WNT2B: variants seen among roughly 807,000 people sequenced by gnomAD.
WNT2B encodes Wnt family member 2B, also known as protein Wnt-2b.
A neutral mutation model predicts 40.5 loss-of-function variants in WNT2B; 19 were observed. The ratio of observed to expected loss-of-function variants is 0.47; its 90% confidence interval spans 0.33 to 0.69. WNT2B has a LOEUF of 0.69. Among genes scored for constraint, WNT2B ranks in the 30% least tolerant of loss-of-function variants. The pLI is 0.02. For missense variants in WNT2B, 467 were observed against 556.4 expected, an observed-to-expected ratio of 0.84 and a Z score of 1.62; for synonymous variants, 220 against 211.9, an observed-to-expected ratio of 1.04 and a Z score of -0.33.
intron 1 of WNT2B, among the ~76,000 whole-genome samples, chr1:112,470,215 C>A (rs1266904881): frequency 6.6e-6 from 1 of 152,108 alleles, no homozygotes; most frequent in Non-Finnish European, 1.5e-5. Flanking sequence ...GTCTTTATTT[C>A]TCCTTCATGT....
chr1:112,474,272 A>G (rs930190455), intron 1 of WNT2B, among the ~76,000 whole-genome samples: 7 of 151,430 alleles, frequency 4.6e-5, no homozygotes, highest in Non-Finnish European at 1.0e-4. Flanking sequence ...CAGCCTCCCA[A>G]GTAGCTGGGA....
chr1:112,501,826 A>G (rs528253376), intron 1 of WNT2B, among the ~76,000 whole-genome samples: 51 of 152,290 alleles, frequency 3.3e-4, no homozygotes, highest in African/African-American at 1.2e-3. Context: ...GTCTGCAGGT[A>G]GGAGTTGTGG....
intron 1 of WNT2B, among the ~76,000 whole-genome samples, chr1:112,490,650 C>A (rs1414346115): frequency 1.3e-5 from 2 of 151,940 alleles, no homozygotes; most frequent in African/African-American, 4.8e-5. Flanking sequence ...TCACCACACC[C>A]GGCTAATTTT....
chr1:112,478,368 C>T (rs1172994575), intron 1 of WNT2B, among the ~76,000 whole-genome samples: 2 of 151,958 alleles, frequency 1.3e-5, no homozygotes, highest in Admixed American at 6.6e-5. Flanking sequence ...TACCAAATAG[C>T]CCCCAAATAG....
chr1:112,485,556 G>T (rs952512012), intron 1 of WNT2B, among the ~76,000 whole-genome samples: 4 of 151,958 alleles, frequency 2.6e-5, no homozygotes, highest in Non-Finnish European at 5.9e-5. Flanking sequence ...AGAATGAAGA[G>T]TCCAGAAACA....
chr1:112,515,149 TG>T lies in WNT2B; in HGVS notation c.403+56del. On this transcript the variant is annotated intron_variant, in intron 2 of 4. Coordinates refer to ENST00000369684, the MANE Select transcript of WNT2B (RefSeq NM_024494.3). The surrounding 1 kb of genome is among the most constrained non-coding windows in gnomAD (Gnocchi z 4.4). ...CCTTCCCTTTCTGTGCTGGGGGTGG[TG>T]AGTGGGAAGAGTAGGCAAGATCTCC... The T allele has an allele frequency of 1.9e-6, 3 of 1,576,154 alleles. No homozygotes were observed. The highest frequency in any genetic ancestry group is 2.6e-6 in the Non-Finnish European group (3 of 1,157,980).
chr1:112,480,033 A>G (rs910908856), intron 1 of WNT2B, among the ~76,000 whole-genome samples: 8 of 152,012 alleles, frequency 5.3e-5, no homozygotes, highest in African/African-American at 1.9e-4. Context: ...GTTATCAACT[A>G]AAAATAAGTT....
intron 4 of WNT2B, chr1:112,517,685 T>C: frequency 3.0e-6 from 1 of 331,132 alleles, no homozygotes; most frequent in East Asian, 5.0e-5. Context: ...GTTACCTGTT[T>C]TCAGTTTTAA....
chr1:112,476,012 C>G (rs938186046), intron 1 of WNT2B, among the ~76,000 whole-genome samples: 1 of 152,058 alleles, frequency 6.6e-6, no homozygotes, highest in African/African-American at 2.4e-5. Context: ...TTTTAATGCA[C>G]ACATAGAACA....
At chr1:112,490,706 G>A (rs1295279077) in intron 1 of WNT2B, among the ~76,000 whole-genome samples, 1 of 152,012 alleles carries the variant, frequency 6.6e-6, no homozygotes, top group Non-Finnish European at 1.5e-5. Flanking sequence ...AGCCAGGATG[G>A]TCTCGATCTC....
At position 112,521,832 on chromosome 1, in the gene WNT2B, T is replaced by C. The variant is rs1652898510; in HGVS notation, c.*1323T>C. 6.6e-6 allele frequency: 1 copy of C among 152,012 alleles called. No homozygotes were observed. The allele number at this position is 152,012 out of a possible 1,614,324, so 9.4% of individuals were successfully genotyped here. A position where few individuals can be genotyped will look rare whatever the true frequency, so the allele number is the denominator to read the frequency against. ...CAAAACTTGATGTCCTATTTTTATG[T>C]GAGTTGGACAGTGGTTATCTTTTGC... is the stretch of plus-strand genomic sequence containing the variant. On this transcript the variant is annotated 3_prime_UTR_variant, in exon 5 of 5. Transcript: ENST00000369684.
At position 112,529,987 on chromosome 1, in the gene WNT2B, A is replaced by T. The variant is rs2101179919; in HGVS notation, c.*9478A>T. On this transcript the variant is annotated 3_prime_UTR_variant, in exon 5 of 5. Transcript: ENST00000369684. ...CCTCCTTACCAATATGCTACAAATC[A>T]GACCTCTGAATTAGAAGATGCCATC... 6.6e-6 allele frequency: 1 copy of T among 152,338 alleles called. No individual in the cohort carries two copies. Among genetic ancestry groups the T allele is most frequent in the Non-Finnish European group, 1.5e-5 (1 of 68,040 alleles). 9.4% of individuals were successfully genotyped at this position (152,338 alleles called of 1,614,324 possible). A position where few individuals can be genotyped will look rare whatever the true frequency, so the allele number is the denominator to read the frequency against.
chr1:112,497,330 T>C (rs1651808764), intron 1 of WNT2B, among the ~76,000 whole-genome samples: 1 of 152,198 alleles, frequency 6.6e-6, no homozygotes, highest in African/African-American at 2.4e-5. Flanking sequence ...CTTTCAAATC[T>C]AGATGGAGGT....
rs746337422 is a variant in WNT2B at position 112,509,297 on chromosome 1, A to T, written c.35A>T (p.Gln12Leu). The T allele has an allele frequency of 3.2e-6, 5 of 1,550,998 alleles. No individual in the cohort carries two copies. In the African/African-American group the frequency reaches 5.6e-5, roughly 17 times the overall value. Residue 12 changes from glutamine (Q) to leucine (L), a missense_variant, in exon 1 of 5, where the codon CAG (glutamine) becomes CTG (leucine). Coordinates refer to ENST00000369684, the MANE Select transcript of WNT2B (RefSeq NM_024494.3). The surrounding 1 kb of genome is among the most constrained non-coding windows in gnomAD (Gnocchi z 4.2). ...LRPGGAEEAA[Q>L]LPLRRASAPV... The stretch of plus-strand genomic sequence containing the variant: ...CCGGGTGGTGCGGAGGAAGCTGCGC[A>T]GCTCCCGCTTCGGCGCGCCAGCGCC...
chr1:112,498,070 C>T (rs1467868512), intron 1 of WNT2B, among the ~76,000 whole-genome samples: 4 of 151,204 alleles, frequency 2.6e-5, no homozygotes, highest in Non-Finnish European at 5.9e-5. Context: ...CGATCTCTGT[C>T]CCCTTTCCCC....
chr1:112,525,946 G>A lies in WNT2B; in HGVS notation c.*5437G>A, dbSNP rs1004805491. On this transcript the variant is annotated 3_prime_UTR_variant, in exon 5 of 5. Coordinates refer to ENST00000369684, the MANE Select transcript of WNT2B (RefSeq NM_024494.3). ...ACAACCCTGTGAGGTAGGGGTTACTGTCACTTTACAGATGCTGTTCAGAAA... is the reference window on the plus strand; with the variant it reads ...ACAACCCTGTGAGGTAGGGGTTACTATCACTTTACAGATGCTGTTCAGAAA... 5 of 1,602,724 alleles carry A rather than the reference G, an allele frequency of 3.1e-6. No homozygotes were observed. In the African/African-American group the frequency reaches 6.7e-5, roughly 21 times the overall value.
Position 112,520,674 on chromosome 1 carries a change from T to C in WNT2B, c.*165T>C. On this transcript the variant is annotated 3_prime_UTR_variant, in exon 5 of 5. Coordinates refer to ENST00000369684, the MANE Select transcript of WNT2B (RefSeq NM_024494.3). ...GACCATGGTGTCCTGGCTGGTTCCT[T>C]AGCCCTGGGAAGGAGTTGTCAGGGG... is the stretch of plus-strand genomic sequence containing the variant. 2 of 728,378 alleles carry C rather than the reference T, an allele frequency of 2.7e-6. No homozygotes were observed. The highest frequency in any genetic ancestry group is 4.5e-6 in the Non-Finnish European group (2 of 446,062). The allele number at this position is 728,378 out of a possible 1,614,324, so 45.1% of individuals were successfully genotyped here. A position where few individuals can be genotyped will look rare whatever the true frequency, so the allele number is the denominator to read the frequency against.
At chr1:112,494,254 G>A (rs1471252157) in intron 1 of WNT2B, among the ~76,000 whole-genome samples, 1 of 151,288 alleles carries the variant, frequency 6.6e-6, no homozygotes, top group Non-Finnish European at 1.5e-5. Context: ...AGGTTGCAGT[G>A]AACAGAGATC....
In WNT2B at chr1:112,526,181, C is replaced by G; in HGVS notation, c.*5672C>G. 6.2e-7 allele frequency: 1 copy of G among 1,601,604 alleles called. No individual in the cohort carries two copies. Among genetic ancestry groups the G allele is most frequent in the Non-Finnish European group, 8.5e-7 (1 of 1,173,956 alleles). On this transcript the variant is annotated 3_prime_UTR_variant, in exon 5 of 5. Coordinates refer to ENST00000369684, the MANE Select transcript of WNT2B (RefSeq NM_024494.3). ...TCCCAGGACAGCCAAGAGAGTATAT[C>G]TGAGCACAGTTTACAAAGGAACAGC...
Sources: gnomAD v4.1 joint callset for allele counts (sites outside exome capture counted in the v4.1 genomes callset) on GRCh38, gnomAD v4.1.1 for gene constraint, Gnocchi (gnomAD v3.1) non-coding constraint, MANE v1.5 for transcripts, NCBI Gene and HGNC (gene_info 2026-07-23, HGNC 2026-07-21) for gene names.